Variants in SH3RF2 observed in about 807,000 individuals in gnomAD.
The protein encoded by SH3RF2 is SH3 domain containing ring finger 2, also known as E3 ubiquitin-protein ligase SH3RF2.
Under a neutral mutation model 59.0 loss-of-function variants are expected in SH3RF2, and 43 were observed. The ratio of observed to expected loss-of-function variants is 0.73; its 90% CI spans 0.57 to 0.94. The LOEUF is 0.94. SH3RF2 is among the 40% of genes least tolerant of loss of function. The pLI, the probability that SH3RF2 is intolerant of heterozygous loss-of-function variation, is 0.00. For missense variants in SH3RF2, 930 were observed against 940.1 expected, an observed-to-expected ratio of 0.99 and a Z score of 0.14; for synonymous variants, 391 against 391.5, an observed-to-expected ratio of 1.00 and a Z score of 0.01.
At chr5:145,938,688 T>A (rs1241574592) in intron 2 of SH3RF2, among the ~76,000 whole-genome samples, 1 of 152,238 alleles carries the variant, frequency 6.6e-6, no homozygotes, top group Non-Finnish European at 1.5e-5. Context: ...CAACTGCTTG[T>A]TGCTTTTGAG....
chr5:146,081,714 G>T (rs377290611), exon 10 of SH3RF2: 4 of 152,092 alleles, frequency 2.6e-5, no homozygotes, highest in Non-Finnish European at 4.4e-5. Context: ...AGCTGTAAGC[G>T]TGTGAAGCCA....
At chr5:146,031,418 GA>G (rs1326310373) in intron 5 of SH3RF2, among the ~76,000 whole-genome samples, 1 of 152,218 alleles carries the variant, frequency 6.6e-6, no homozygotes, top group Non-Finnish European at 1.5e-5. Context: ...CCAATAAACA[GA>G]AGAGACTGAA....
intron 5 of SH3RF2, among the ~76,000 whole-genome samples, chr5:146,033,965 C>T (rs1761836340): frequency 6.6e-6 from 1 of 152,158 alleles, no homozygotes; most frequent in Non-Finnish European, 1.5e-5. Context: ...CACATCCATC[C>T]CAGATGGTGT....
intron 4 of SH3RF2, among the ~76,000 whole-genome samples, chr5:146,011,523 T>C (rs1760896778): frequency 1.3e-5 from 2 of 152,226 alleles, no homozygotes; most frequent in Admixed American, 6.5e-5. Context: ...CATGGAATGT[T>C]CTTCCATTTA....
At chr5:145,953,091 A>G (rs1200082806) in intron 2 of SH3RF2, among the ~76,000 whole-genome samples, 1 of 151,124 alleles carries the variant, frequency 6.6e-6, no homozygotes, top group Non-Finnish European at 1.5e-5. Flanking sequence ...AAATATAGGC[A>G]GAACACCAAC....
At chr5:146,036,031 T>G (rs1452159494) in intron 5 of SH3RF2, among the ~76,000 whole-genome samples, 1 of 152,234 alleles carries the variant, frequency 6.6e-6, no homozygotes, top group Non-Finnish European at 1.5e-5. Context: ...TAAGTTTTTG[T>G]GGCCTTTAAT....
chr5:146,080,594 C>T (rs996912098), exon 10 of SH3RF2: 1 of 152,136 alleles, frequency 6.6e-6, no homozygotes, highest in Non-Finnish European at 1.5e-5. Context: ...TAGAGCGTTC[C>T]AGGGCTGGCA....
chr5:146,038,054 C>T (rs1209250779), intron 5 of SH3RF2, among the ~76,000 whole-genome samples: 1 of 152,040 alleles, frequency 6.6e-6, no homozygotes, highest in Non-Finnish European at 1.5e-5. Context: ...TATTTTATCA[C>T]ATTAACAGAT....
chr5:146,007,491 C>T (rs372743495), intron 4 of SH3RF2, among the ~76,000 whole-genome samples: 15 of 152,262 alleles, frequency 9.9e-5, no homozygotes, highest in African/African-American at 2.9e-4. Context: ...CAAGGACAGA[C>T]GTCAGCTGCA....
At chr5:146,073,897 T>G (rs1478617590) in intron 9 of SH3RF2, among the ~76,000 whole-genome samples, 1 of 151,994 alleles carries the variant, frequency 6.6e-6, no homozygotes, top group Admixed American at 6.5e-5. Context: ...CCAGGGAAGG[T>G]TCTCCAAAGG....
chr5:146,046,805 C>T (rs540024280), intron 5 of SH3RF2, among the ~76,000 whole-genome samples: 25 of 151,928 alleles, frequency 1.6e-4, no homozygotes, highest in Non-Finnish European at 2.8e-4. Flanking sequence ...ACTCTTTCAC[C>T]CAGGTTGGAG....
chr5:146,051,598 G>A (rs1762499003), intron 7 of SH3RF2, among the ~76,000 whole-genome samples: 1 of 151,992 alleles, frequency 6.6e-6, no homozygotes, highest in Admixed American at 6.5e-5. Flanking sequence ...TTTTTTTCCT[G>A]AGTGACTGCA....
chr5:146,049,095 A>C lies in SH3RF2; in HGVS notation c.1172A>C (p.Tyr391Ser). The change falls in exon 7 of 10, where the codon TAC (tyrosine) becomes TCC (serine). Residue 391 changes from tyrosine to serine, a missense_variant. Tyr to Ser is a moderately radical substitution (Grantham distance 144, BLOSUM62 -2). Coordinates refer to ENST00000359120, the MANE Select transcript of SH3RF2 (RefSeq NM_152550.4). Reference protein sequence around the residue: ...SANMFVALHSYSAHGPDELDL... With the variant: ...SANMFVALHSSSAHGPDELDL... ...CCCAGGTTTGTAGCCCTGCACTCCT[A>C]CTCAGCCCATGGACCCGATGAGCTG... 1 of 1,613,884 alleles carries C rather than the reference A, an allele frequency of 6.2e-7. No individual in the cohort carries two copies. Among genetic ancestry groups the C allele is most frequent in the Admixed American group, 1.7e-5 (1 of 60,004 alleles).
rs1056149 is a variant in SH3RF2, at chr5:146,062,640, G to A, written c.2129G>A (p.Gly710Asp). ...GACCTCCGGAGAAAGTCAGCTCTTG[G>A]CAAGGCCACAACCCTGGTGTCCACT... ...QTDLRRKSAL[G>D]KATTLVSTAS... The change falls in exon 10 of 10, where the codon GGC (glycine) becomes GAC (aspartate). Residue 710 changes from glycine (G) to aspartate (D), a missense_variant. Physicochemically the swap from Gly to Asp is moderately conservative, Grantham distance 94 (BLOSUM62 -1). Transcript: ENST00000359120. The A allele has an allele frequency of 1.5e-5, 25 of 1,613,896 alleles. No individual in the cohort carries two copies. Among genetic ancestry groups the A allele is most frequent in the Non-Finnish European group, 1.9e-5 (23 of 1,180,004 alleles).
chr5:145,959,439 G>A (rs1758540554), intron 2 of SH3RF2, among the ~76,000 whole-genome samples: 1 of 152,008 alleles, frequency 6.6e-6, no homozygotes, highest in African/African-American at 2.4e-5. Context: ...TAGAGTAAGA[G>A]CCAGACTAAG....
Position 145,936,655 on chromosome 5 carries a change from A to C in SH3RF2, c.-146A>C, listed in dbSNP as rs1331070528. Reference sequence around the variant, plus strand: ...GCAGCGCACCCCTGCTGCGCGGAGGAGGGGGCTGAGCTGAACTCAGCAGAA... The same window carrying C: ...GCAGCGCACCCCTGCTGCGCGGAGGCGGGGGCTGAGCTGAACTCAGCAGAA... On this transcript the variant is annotated 5_prime_UTR_variant, in exon 1 of 10. Transcript: ENST00000359120. 2 of 152,330 alleles carry C rather than the reference A, an allele frequency of 1.3e-5. No individual in the cohort carries two copies. The highest frequency in any genetic ancestry group is 6.5e-5 in the Admixed American group (1 of 15,286). The allele number at this position is 152,330 out of a possible 1,614,324, so 9.4% of individuals were successfully genotyped here.
chr5:145,986,568 C>G (rs1759714488), intron 2 of SH3RF2, among the ~76,000 whole-genome samples: 1 of 152,110 alleles, frequency 6.6e-6, no homozygotes, highest in Admixed American at 6.5e-5. Flanking sequence ...TGCCCTGTGC[C>G]CTGGTGGAGA....
At chr5:146,002,543 CTA>C (rs1228622867) in intron 3 of SH3RF2, among the ~76,000 whole-genome samples, 1 of 145,408 alleles carries the variant, frequency 6.9e-6, no homozygotes, top group Non-Finnish European at 1.5e-5. Context: ...GAAGGATAAC[CTA>C]TAAATGCATA....
chr5:146,037,130 A>G (rs916956791), intron 5 of SH3RF2, among the ~76,000 whole-genome samples: 17 of 152,206 alleles, frequency 1.1e-4, no homozygotes, highest in Non-Finnish European at 7.3e-5. Flanking sequence ...GTAACCATTT[A>G]TTGGGTACCT....
Sources: allele counts gnomAD v4.1 joint callset (sites outside exome capture counted in the v4.1 genomes callset), GRCh38; gene constraint gnomAD v4.1.1; transcripts MANE v1.5; gene names NCBI Gene and HGNC (gene_info 2026-07-23, HGNC 2026-07-21).